The following SVEP1 variants were observed in gnomAD, a reference collection of about 807,000 sequenced individuals.
SVEP1 encodes the protein sushi, von Willebrand factor type A, EGF and pentraxin domain-containing protein 1.
SVEP1 carries 164 observed loss-of-function variants against 367.3 expected under a neutral mutation model. The ratio of observed to expected loss-of-function variants is 0.45; its 90% confidence interval spans 0.39 to 0.51. The LOEUF (loss-of-function observed/expected upper bound fraction) is 0.51, where lower values mean the gene tolerates loss of function less well. Ranked by LOEUF, SVEP1 falls within the 20% of genes least tolerant of loss-of-function variation. The probability of loss-of-function intolerance (pLI) is 0.00; values close to 1 mark genes in which losing one functional copy is unlikely to be tolerated. For synonymous variants in SVEP1, 1,666 were observed against 1,611.6 expected (o/e 1.03, Z -0.81); for missense variants, 4,117 against 4,425.3 (o/e 0.93, Z 1.98).
chr9:110,528,094 A>G (rs2118807779), intron 3 of SVEP1, among the ~76,000 whole-genome samples: 1 of 147,432 alleles, frequency 6.8e-6, no homozygotes, highest in South Asian at 2.1e-4. Context: ...ATATACACAC[A>G]CACATACACA....
rs529437789 is a variant in SVEP1 at position 110,367,886 on chromosome 9, G to GCCT, written c.10695-1329_10695-1327dup. On this transcript the variant is annotated intron_variant, in intron 47 of 47. Transcript: ENST00000374469. ...ACTTGAGGTCAGGAGTTCGAGACTA[G>GCCT]CCTGGCCAACATAGTGAACCCTCAT... is the stretch of plus-strand genomic sequence containing the variant. Among the ~76,000 whole-genome samples the GCCT allele has an allele frequency of 5.2e-3, 787 of 152,270 alleles. 4 individuals are homozygous for GCCT. The highest frequency in any genetic ancestry group is 0.018 in the African/African-American group (756 of 41,542).
At chr9:110,436,278 C>A (rs540382286) in intron 28 of SVEP1, 102 bp downstream of exon 28, 1 of 1,423,436 alleles carries the variant, frequency 7.0e-7, no homozygotes, top group East Asian at 2.3e-5. Context: ...TTCTGATAAC[C>A]AAGAGCTTAC....
chr9:110,445,270 A>C (rs1287700547), intron 26 of SVEP1, among the ~76,000 whole-genome samples: 1 of 152,188 alleles, frequency 6.6e-6, no homozygotes, highest in Non-Finnish European at 1.5e-5. Context: ...CTCTGGGTAC[A>C]ACTAAGGTTG....
chr9:110,413,323 T>C (rs944378047), intron 36 of SVEP1, among the ~76,000 whole-genome samples: 3 of 146,246 alleles, frequency 2.1e-5, no homozygotes, highest in Admixed American at 7.0e-5. Context: ...TTCTCACTTA[T>C]AGGTGGGAAT....
chr9:110,564,516 G>A (rs1411089997), intron 1 of SVEP1, among the ~76,000 whole-genome samples: 4 of 152,144 alleles, frequency 2.6e-5, no homozygotes, highest in African/African-American at 9.7e-5. Flanking sequence ...CAAAGGAGTG[G>A]AGGTTGAAGA....
chr9:110,393,555 G>A (rs989854657), intron 40 of SVEP1, among the ~76,000 whole-genome samples: 27 of 152,322 alleles, frequency 1.8e-4, no homozygotes, highest in African/African-American at 5.3e-4. Flanking sequence ...AAAGCAGAAT[G>A]AGGCATCGCC....
intron 36 of SVEP1, among the ~76,000 whole-genome samples, chr9:110,425,643 G>A (rs1171826778): frequency 2.0e-5 from 3 of 152,094 alleles, no homozygotes; most frequent in African/African-American, 4.8e-5. Context: ...TTTTTTAATC[G>A]TTTTCATAAT....
rs1431589790 is a variant in SVEP1, at chr9:110,503,236, A to G, written c.1304-19T>C. On this transcript the variant is annotated intron_variant, in intron 5 of 47. Transcript: ENST00000374469. ...GTTCTTACTATGTAAAATGAAAGCA[A>G]TTAGATCACATTTTGCTAAATAAGG... 4 of 1,596,156 alleles carry G rather than the reference A, an allele frequency of 2.5e-6. No homozygotes were observed. The highest frequency in any genetic ancestry group is 2.3e-5 in the South Asian group (2 of 87,380).
At position 110,468,966 on chromosome 9, in the gene SVEP1, T is replaced by A. The variant is rs1190181475; in HGVS notation, c.3134A>T (p.His1045Leu). 6.2e-7 allele frequency: 1 copy of A among 1,601,118 alleles called. No individual in the cohort carries two copies. Among genetic ancestry groups the A allele is most frequent in the Non-Finnish European group, 8.5e-7 (1 of 1,172,848 alleles). Residue 1045 changes from histidine (H) to leucine (L), a missense_variant, in exon 17 of 48, where the codon CAT becomes CTT. His to Leu is a moderately conservative substitution (Grantham distance 99, BLOSUM62 -3). Transcript: ENST00000374469. ...TTTACAATCAGAGATGTTTCTTGAA[T>A]GGATATATTCCGTGTACATCCCAGA... ...CPSGMYTEYI[H>L]SRNISDCKAQ...
chr9:110,411,117 C>T lies in SVEP1; in HGVS notation c.6594G>A (p.Thr2198=), dbSNP rs372520494. 4.5e-5 allele frequency: 73 copies of T among 1,610,780 alleles called. 1 individual carries two copies. The highest frequency in any genetic ancestry group is 3.1e-4 in the East Asian group (14 of 44,848). Residue 2198 remains threonine (T), a synonymous_variant, in exon 37 of 48, where the codon ACG becomes ACA. Transcript: ENST00000374469. Reference sequence around the variant, plus strand: ...GTTCACCACAAGATACCGGGTGGCACGTCGGTATAGGACTACTCCACTGCC... The same window carrying T: ...GTTCACCACAAGATACCGGGTGGCATGTCGGTATAGGACTACTCCACTGCC... ...ATGQWSSPIP[T]CHPVSCGEPP...
chr9:110,470,277 A>T (rs1167025442), intron 16 of SVEP1, among the ~76,000 whole-genome samples: 1 of 152,034 alleles, frequency 6.6e-6, no homozygotes, highest in African/African-American at 2.4e-5. Flanking sequence ...AAGAGAGGTG[A>T]TGGTTGCACA....
chr9:110,427,520 C>T, intron 36 of SVEP1, 71 bp downstream of exon 36: 4 of 1,512,688 alleles, frequency 2.6e-6, no homozygotes, highest in African/African-American at 1.4e-5. Flanking sequence ...TCCAATGGAG[C>T]CCATCTCTGC....
At chr9:110,565,043 C>T (rs1469624125) in intron 1 of SVEP1, among the ~76,000 whole-genome samples, 1 of 152,102 alleles carries the variant, frequency 6.6e-6, no homozygotes, top group South Asian at 2.1e-4. Flanking sequence ...TTAGTAAGCA[C>T]TGATGATCAT....
At chr9:110,401,959 G>GAA (rs2118995309) in intron 39 of SVEP1, among the ~76,000 whole-genome samples, 1 of 152,014 alleles carries the variant, frequency 6.6e-6, no homozygotes, top group African/African-American at 2.4e-5. Context: ...AAGTAATTTT[G>GAA]TATATATGAC....
intron 40 of SVEP1, among the ~76,000 whole-genome samples, chr9:110,390,341 T>TTATATAAGTATATATATAAGTATA: frequency 3.3e-5 from 1 of 30,424 alleles, no homozygotes; most frequent in African/African-American, 2.6e-4. Flanking sequence ...ATACACATAC[T>TTATATAAGTATATATATAAGTATA]TATATACACT....
chr9:110,402,275 A>G (rs141681425), intron 39 of SVEP1, among the ~76,000 whole-genome samples: 19 of 152,240 alleles, frequency 1.2e-4, no homozygotes, highest in Admixed American at 1.2e-3. Flanking sequence ...TTTTACATGA[A>G]TACTACACTA....
chr9:110,579,561 G>C lies in SVEP1; in HGVS notation c.-18C>G. On this transcript the variant is annotated 5_prime_UTR_variant, in exon 1 of 48. Transcript: ENST00000374469. The surrounding 1 kb of genome is among the most constrained non-coding windows in gnomAD (Gnocchi z 5.3). ...GGCCACATCGCGCTGGAGACAGAGC[G>C]GCTGCCCCGGAGCGCAGGCGGCGGC... is the stretch of plus-strand genomic sequence containing the variant. The C allele has an allele frequency of 6.4e-7, 1 of 1,561,662 alleles. No homozygotes were observed. The highest frequency in any genetic ancestry group is 8.6e-7 in the Non-Finnish European group (1 of 1,159,244).
chr9:110,423,174 AAAAAAAAAAG>A (rs1234502170), intron 36 of SVEP1, among the ~76,000 whole-genome samples: 63 of 140,404 alleles, frequency 4.5e-4, no homozygotes, highest in African/African-American at 1.7e-3. Context: ...AAAGTAAAAA[AAAAAAAAAAG>A]AAAAAAAAAA....
At chr9:110,412,084 A>T (rs912122353) in intron 36 of SVEP1, among the ~76,000 whole-genome samples, 1 of 152,138 alleles carries the variant, frequency 6.6e-6, no homozygotes, top group Non-Finnish European at 1.5e-5. Context: ...AATGGATTTA[A>T]GATTTTTTTG....
Sources: allele counts gnomAD v4.1 joint callset (sites outside exome capture counted in the v4.1 genomes callset), GRCh38; gene constraint gnomAD v4.1.1; non-coding constraint Gnocchi (gnomAD v3.1); transcripts MANE v1.5; gene names NCBI Gene and HGNC (gene_info 2026-07-23, HGNC 2026-07-21).